Variants in USPL1 observed in about 807,000 individuals in gnomAD.
USPL1 encodes the protein SUMO-specific isopeptidase USPL1.
In USPL1, 27 loss-of-function variants were observed where a neutral mutation model predicts 51.5. The ratio of observed to expected loss-of-function variants is 0.52; its 90% CI spans 0.39 to 0.72. The LOEUF is 0.72. Among genes scored for constraint, USPL1 ranks in the 30% least tolerant of loss-of-function variants. The probability of loss-of-function intolerance (pLI) is 0.00; values close to 1 mark genes in which losing one functional copy is unlikely to be tolerated. For missense variants in USPL1, 1,226 were observed against 1,268.0 expected (o/e 0.97, Z 0.50); for synonymous variants, 451 against 459.6 (o/e 0.98, Z 0.24).
chr13:30,653,113 A>G (rs1951112624), intron 7 of USPL1, 35 bp from the exon 8 acceptor site: 1 of 1,545,478 alleles, frequency 6.5e-7, no homozygotes, highest in Non-Finnish European at 8.8e-7. Context: ...ATGGCATTAA[A>G]TTTATTTAAC....
At chr13:30,619,996 T>C (rs1194779154) in intron 1 of USPL1, among the ~76,000 whole-genome samples, 3 of 152,220 alleles carry the variant, frequency 2.0e-5, no homozygotes, top group African/African-American at 7.2e-5. Flanking sequence ...AATTATTTGG[T>C]CAAAGATATT....
At position 30,657,506 on chromosome 13, in the gene USPL1, C is replaced by T. The variant is rs1174708333; in HGVS notation, c.1429C>T (p.Pro477Ser). 11 of 1,608,682 alleles carry T rather than the reference C, an allele frequency of 6.8e-6. No individual in the cohort carries two copies. The highest frequency in any genetic ancestry group is 8.5e-6 in the Non-Finnish European group (10 of 1,178,034). ...GCTGGAATGTGATGACTTAAAAGGC[C>T]CATGTTCTGAAAGGCACAAGAAATT... ...SWLECDDLKG[P>S]CSERHKKFEV... is the part of the protein sequence containing the mutation. The change falls in exon 9 of 9, where the codon CCA becomes TCA. Residue 477 changes from proline to serine, a missense_variant. Transcript: ENST00000255304.
chr13:30,659,169 A>C lies in USPL1; in HGVS notation c.3092A>C (p.Lys1031Thr), dbSNP rs1378486390. The C allele has an allele frequency of 1.9e-6, 3 of 1,614,060 alleles. No homozygotes were observed. In the African/African-American group the frequency reaches 4.0e-5, roughly 22 times the overall value. ...RQDHNYCSPT[K>T]KNPCEVQPDS... ...GACCATAATTATTGTAGCCCCACCAAGAAAAATCCATGTGAAGTTCAGCCA... is the reference window on the plus strand; with the variant it reads ...GACCATAATTATTGTAGCCCCACCACGAAAAATCCATGTGAAGTTCAGCCA... The change falls in exon 9 of 9, where the codon AAG becomes ACG. Residue 1031 changes from lysine (K) to threonine (T), a missense_variant. Physicochemically the swap from Lys to Thr is moderately conservative, Grantham distance 78. Coordinates refer to ENST00000255304, the MANE Select transcript of USPL1 (RefSeq NM_005800.5).
chr13:30,652,010 A>G (rs936750622), intron 7 of USPL1, among the ~76,000 whole-genome samples: 3 of 152,044 alleles, frequency 2.0e-5, no homozygotes, highest in Admixed American at 6.6e-5. Flanking sequence ...GTGTCTCGCT[A>G]TGAGAATACA....
rs377233644 is a variant in USPL1 at position 30,658,824 on chromosome 13, G to T, written c.2747G>T (p.Arg916Leu). ...TCTTCCCCGCAAAGCAGAACAGTTC[G>T]AAGTGAAAATCTAGAACAGGTGCCC... ...LMSSPQSRTV[R>L]SENLEQVPQD... is the part of the protein sequence containing the mutation. Residue 916 changes from arginine (R) to leucine (L), a missense_variant, in exon 9 of 9, where the codon CGA becomes CTA. By Grantham distance (102) the Arg-to-Leu change is moderately radical (BLOSUM62 -2). Coordinates refer to ENST00000255304, the MANE Select transcript of USPL1 (RefSeq NM_005800.5). 6.2e-7 allele frequency: 1 copy of T among 1,613,894 alleles called. No individual in the cohort carries two copies. Among genetic ancestry groups the T allele is most frequent in the South Asian group, 1.1e-5 (1 of 91,076 alleles).
Position 30,657,617 on chromosome 13 carries a change from C to T in USPL1, c.1540C>T (p.Leu514Phe). 1 of 1,614,206 alleles carries T rather than the reference C, an allele frequency of 6.2e-7. No individual in the cohort carries two copies. ...AGATAAAGAAGCTGCCTGCCTTCCACTTAAAAAGACTAATGACCAACACGC... is the reference window on the plus strand; with the variant it reads ...AGATAAAGAAGCTGCCTGCCTTCCATTTAAAAAGACTAATGACCAACACGC... ...VTDKEAACLP[L>F]KKTNDQHALS... The change falls in exon 9 of 9, where the codon CTT (leucine) becomes TTT (phenylalanine). Residue 514 changes from leucine to phenylalanine, a missense_variant. Leu to Phe is a conservative substitution (Grantham distance 22). Coordinates refer to ENST00000255304, the MANE Select transcript of USPL1 (RefSeq NM_005800.5).
At chr13:30,653,813 T>C (rs527817895) in intron 8 of USPL1, among the ~76,000 whole-genome samples, 4 of 152,370 alleles carry the variant, frequency 2.6e-5, no homozygotes, top group Non-Finnish European at 4.4e-5. Flanking sequence ...ATTTGTCTGA[T>C]ATGGTAAAAT....
intron 4 of USPL1, among the ~76,000 whole-genome samples, chr13:30,636,463 G>A (rs1000374556): frequency 6.6e-6 from 1 of 152,028 alleles, no homozygotes; most frequent in African/African-American, 2.4e-5. Context: ...TGATCAGGCT[G>A]TATGAATTAT....
intron 7 of USPL1, among the ~76,000 whole-genome samples, chr13:30,649,955 C>T (rs544925321): frequency 1.3e-5 from 2 of 152,154 alleles, no homozygotes; most frequent in African/African-American, 4.8e-5. Flanking sequence ...TTGCTCTCCT[C>T]GACTCTGAGC....
At chr13:30,633,617 C>G (rs1451200483) in intron 4 of USPL1, among the ~76,000 whole-genome samples, 1 of 151,602 alleles carries the variant, frequency 6.6e-6, no homozygotes, top group Non-Finnish European at 1.5e-5. Context: ...CTAAAAAATA[C>G]AAAAATTGGC....
At chr13:30,649,365 G>A (rs1951058404) in intron 7 of USPL1, among the ~76,000 whole-genome samples, 1 of 151,830 alleles carries the variant, frequency 6.6e-6, no homozygotes, top group Non-Finnish European at 1.5e-5. Flanking sequence ...TAGTTTTTAG[G>A]GCTAACCTAA....
Position 30,658,595 on chromosome 13 carries a change from G to GC in USPL1, c.2521dup (p.His841ProfsTer38), listed in dbSNP as rs754831237. On this transcript the variant is annotated frameshift_variant, in exon 9 of 9. Coordinates refer to ENST00000255304, the MANE Select transcript of USPL1 (RefSeq NM_005800.5). LOFTEE classifies it low-confidence loss of function (END_TRUNC). ...CCCTCCATCGTCTAATGGCACAGCT[G>GC]CCCACCCACATGCTCATGCTGCTTC... The GC allele has an allele frequency of 1.2e-6, 2 of 1,614,184 alleles. No homozygotes were observed.
At chr13:30,642,481 T>A in intron 5 of USPL1, 147 bp from the exon 6 acceptor site, 1 of 887,150 alleles carries the variant, frequency 1.1e-6, no homozygotes, top group East Asian at 2.7e-5. Flanking sequence ...ACTTCCCCTC[T>A]CCCAACTCTG....
chr13:30,645,330 TAGAG>T (rs905659798), intron 6 of USPL1, among the ~76,000 whole-genome samples: 1 of 152,184 alleles, frequency 6.6e-6, no homozygotes. Context: ...ACTAATTAGG[TAGAG>T]AGATAATACA....
chr13:30,651,888 G>A (rs144889030), intron 7 of USPL1, among the ~76,000 whole-genome samples: 10 of 152,172 alleles, frequency 6.6e-5, no homozygotes, highest in African/African-American at 2.2e-4. Context: ...CCCAGGAGGC[G>A]GAGATTGCAG....
intron 8 of USPL1, among the ~76,000 whole-genome samples, chr13:30,656,607 G>A (rs1951168021): frequency 6.6e-6 from 1 of 152,118 alleles, no homozygotes; most frequent in South Asian, 2.1e-4. Flanking sequence ...TTTGACTATT[G>A]TGAATAATGC....
intron 8 of USPL1, among the ~76,000 whole-genome samples, chr13:30,653,688 A>C (rs1401776559): frequency 2.6e-4 from 39 of 152,196 alleles, no homozygotes; most frequent in Admixed American, 2.6e-3. Flanking sequence ...GTCATTGTGA[A>C]ATACATAGTT....
At chr13:30,634,691 G>C (rs1354844915) in intron 4 of USPL1, among the ~76,000 whole-genome samples, 1 of 152,172 alleles carries the variant, frequency 6.6e-6, no homozygotes, top group Non-Finnish European at 1.5e-5. Context: ...CTGGGGCACA[G>C]TATGAGTTTC....
intron 4 of USPL1, among the ~76,000 whole-genome samples, chr13:30,631,683 GC>G (rs1316944462): frequency 6.6e-6 from 1 of 152,088 alleles, no homozygotes; most frequent in Non-Finnish European, 1.5e-5. Context: ...TGAGATGGTG[GC>G]CCCACTGTCT....
Sources: allele counts gnomAD v4.1 joint callset (sites outside exome capture counted in the v4.1 genomes callset), GRCh38; gene constraint gnomAD v4.1.1; transcripts MANE v1.5; gene names NCBI Gene and HGNC (gene_info 2026-07-23, HGNC 2026-07-21).